The following TASOR2 variants were observed in gnomAD, a reference collection of about 807,000 sequenced individuals.
The protein encoded by TASOR2 is transcription activation suppressor family member 2.
In TASOR2, 84 loss-of-function variants were observed where a neutral mutation model predicts 199.5. That is an observed-to-expected ratio of 0.42 (90% CI 0.35 to 0.50). The LOEUF (loss-of-function observed/expected upper bound fraction) is 0.50, where lower values mean the gene tolerates loss of function less well. TASOR2 is among the 20% of genes least tolerant of loss of function. The pLI is 0.02. For synonymous variants in TASOR2, 1,103 were observed against 1,046.6 expected (o/e 1.05, Z -1.04); for missense variants, 2,796 against 2,835.9 (o/e 0.99, Z 0.32).
chr10:5,738,127 CAG>C lies in TASOR2; in HGVS notation c.1448-1489_1448-1488del, dbSNP rs1753705876. Reference sequence around the variant, plus strand: ...TAGAATCAAATGATAATTTTGAAGTCAGACAGTCCTTTTGTTAATGAAACATG... The same window carrying C: ...TAGAATCAAATGATAATTTTGAAGTCACAGTCCTTTTGTTAATGAAACATG... On this transcript the variant is annotated intron_variant, in intron 12 of 20. Coordinates refer to ENST00000328090, the Ensembl canonical transcript of TASOR2. This position sits in a 1 kb window ranked among gnomAD's most constrained non-coding sequence, Gnocchi z 4.7. Among the ~76,000 whole-genome samples the C allele has an allele frequency of 6.9e-6, 1 of 144,734 alleles. No individual in the cohort carries two copies. Among genetic ancestry groups the C allele is most frequent in the Non-Finnish European group, 1.6e-5 (1 of 63,966 alleles). 95.0% of individuals were successfully genotyped at this position (144,734 alleles called of 152,430 possible). A position where few individuals can be genotyped will look rare whatever the true frequency, so the allele number is the denominator to read the frequency against.
intron 1 of TASOR2, among the ~76,000 whole-genome samples, chr10:5,705,607 T>C (rs1471737997): frequency 6.6e-6 from 1 of 152,166 alleles, no homozygotes; most frequent in Non-Finnish European, 1.5e-5. Flanking sequence ...CTACTAGGAG[T>C]GTTCCAGAGG....
intron 1 of TASOR2, among the ~76,000 whole-genome samples, chr10:5,692,613 G>C (rs2131494936): frequency 6.6e-6 from 1 of 152,202 alleles, no homozygotes; most frequent in African/African-American, 2.4e-5. Flanking sequence ...AGCTCCGTTG[G>C]GTCTACGGAG....
exon 1 of TASOR2, chr10:5,684,946 G>GGCGGCCGCGGCGTCCCTGTCA (rs1032701230): frequency 1.5e-4 from 61 of 397,846 alleles, no homozygotes; most frequent in Middle Eastern, 1.2e-3. Context: ...ACAGAGCGCG[G>GGCGGCCGCGGCGTCCCTGTCA]GCGGCCGCGG....
rs933794592 is a variant in TASOR2 at position 5,752,602 on chromosome 10, T to A, written c.6606+2575T>A. Among the ~76,000 whole-genome samples the A allele has an allele frequency of 4.6e-5, 7 of 152,220 alleles. No homozygotes were observed. Among genetic ancestry groups the A allele is most frequent in the African/African-American group, 9.6e-5 (4 of 41,460 alleles). Reference sequence around the variant, plus strand: ...TACTGAGTAACGAGTTACTTAGTAATGAAGGACACGTGTCCCTTATTGTCA... The same window carrying A: ...TACTGAGTAACGAGTTACTTAGTAAAGAAGGACACGTGTCCCTTATTGTCA... On this transcript the variant is annotated intron_variant, in intron 15 of 20. Transcript: ENST00000328090. This position sits in a 1 kb window ranked among gnomAD's most constrained non-coding sequence, Gnocchi z 4.4.
intron 1 of TASOR2, among the ~76,000 whole-genome samples, chr10:5,697,459 G>T (rs1250154306): frequency 6.6e-6 from 1 of 152,126 alleles, no homozygotes; most frequent in East Asian, 1.9e-4. Flanking sequence ...TCGTATACCT[G>T]GCTAAGACTG....
chr10:5,711,768 G>T (rs1161161783), intron 1 of TASOR2, among the ~76,000 whole-genome samples: 1 of 152,042 alleles, frequency 6.6e-6, no homozygotes, highest in African/African-American at 2.4e-5. Flanking sequence ...TCAAAAAATT[G>T]TAAGTACAGC....
rs902012135 is a variant in TASOR2 at position 5,751,026 on chromosome 10, A to G, written c.6606+999A>G. ...GTTTGTGTTCATGTGTTGTTTCTCC[A>G]TGACTTAGGCATTTTAGATGAGAAT... On this transcript the variant is annotated intron_variant, in intron 15 of 20. Transcript: ENST00000328090. The surrounding 1 kb of genome is among the most constrained non-coding windows in gnomAD (Gnocchi z 5.3). Among the ~76,000 whole-genome samples, 1 of 152,202 alleles carries G rather than the reference A, an allele frequency of 6.6e-6. No homozygotes were observed. The highest frequency in any genetic ancestry group is 1.9e-4 in the East Asian group (1 of 5,200).
At position 5,722,104 on chromosome 10, in the gene TASOR2, G is replaced by A. The variant is rs978498604; in HGVS notation, c.146+1134G>A. Among the ~76,000 whole-genome samples the A allele has an allele frequency of 6.6e-6, 1 of 152,178 alleles. No homozygotes were observed. Among genetic ancestry groups the A allele is most frequent in the Non-Finnish European group, 1.5e-5 (1 of 68,034 alleles). On this transcript the variant is annotated intron_variant, in intron 6 of 20. Coordinates refer to ENST00000328090, the Ensembl canonical transcript of TASOR2. The surrounding 1 kb of genome is among the most constrained non-coding windows in gnomAD (Gnocchi z 4.0). The stretch of plus-strand genomic sequence containing the variant: ...TGAATAAGATGTAGGTTAAGTCATA[G>A]TATCGTTATCATTGTGAATGTGTTG...
chr10:5,714,067 A>G, intron 2 of TASOR2, 68 bp from the exon 3 acceptor site: 1 of 865,432 alleles, frequency 1.2e-6, no homozygotes, highest in Non-Finnish European at 1.5e-6. Flanking sequence ...TTAAAAAAAA[A>G]AACCTTACAG....
chr10:5,749,196 C>A lies in TASOR2; in HGVS notation c.5775C>A (p.Tyr1925Ter). The A allele has an allele frequency of 6.2e-7, 1 of 1,614,054 alleles. No homozygotes were observed. The highest frequency in any genetic ancestry group is 8.5e-7 in the Non-Finnish European group (1 of 1,180,000). The change falls in exon 15 of 21, where the codon TAC (tyrosine) becomes TAA (stop). Residue 1925 changes from tyrosine to a stop codon, truncating the protein, a stop_gained. Transcript: ENST00000328090. LOFTEE classifies it high-confidence loss of function. Reference sequence around the variant, plus strand: ...ATCTCCACGGGATCCTCAGGACTTACGCCAACTTCTCTATAACAAAAGAAC... The same window carrying A: ...ATCTCCACGGGATCCTCAGGACTTAAGCCAACTTCTCTATAACAAAAGAAC...
intron 1 of TASOR2, among the ~76,000 whole-genome samples, chr10:5,711,348 G>A (rs1831881937): frequency 6.6e-6 from 1 of 151,904 alleles, no homozygotes; most frequent in Admixed American, 6.6e-5. Flanking sequence ...TTTAATTTTT[G>A]AACTTTAATA....
chr10:5,717,337 C>T (rs1832786986), intron 2 of TASOR2, among the ~76,000 whole-genome samples: 2 of 152,130 alleles, frequency 1.3e-5, no homozygotes. Flanking sequence ...GTCTTTGTGT[C>T]TGTGACCCAG....
At chr10:5,746,138 A>G (rs754212254) in intron 14 of TASOR2, 41 bp from the exon 16 acceptor site, 1 of 1,468,622 alleles carries the variant, frequency 6.8e-7, no homozygotes. Flanking sequence ...AAAACATTTT[A>G]TATGACTGAT....
At chr10:5,723,035 G>A (rs72774075) in intron 6 of TASOR2, among the ~76,000 whole-genome samples, 20,470 of 131,748 alleles carry the variant, frequency 0.16, 2,124 homozygotes, top group Admixed American at 0.21. Context: ...AAAGTAGTCA[G>A]GAAATAACTT....
At chr10:5,731,354 C>T (rs41306401) in intron 11 of TASOR2, 151 bp downstream of exon 12, 7,106 of 683,642 alleles carry the variant, frequency 0.01, 64 homozygotes, top group Middle Eastern at 0.02. Flanking sequence ...TACGGTGACA[C>T]CCTGTCTCTA....
intron 13 of TASOR2, among the ~76,000 whole-genome samples, chr10:5,741,350 A>G (rs1264803176): frequency 6.6e-6 from 1 of 152,220 alleles, no homozygotes; most frequent in East Asian, 1.9e-4. Flanking sequence ...ATGAATTGAC[A>G]TTCAGCTCCC....
chr10:5,716,750 A>G lies in TASOR2; in HGVS notation c.-191-909A>G, dbSNP rs181524408. 5.4e-3 allele frequency among the ~76,000 whole-genome samples: 826 copies of G among 152,132 alleles called. 3 individuals are homozygous for G. Among genetic ancestry groups the G allele is most frequent in the African/African-American group, 0.019 (783 of 41,508 alleles). ...ACCAACATGGCCAAACCCCGTCTCT[A>G]CTAAAAATACAAAAATTAGCCAGGC... On this transcript the variant is annotated intron_variant, in intron 2 of 20. Transcript: ENST00000328090.
At chr10:5,728,035 C>CAACA (rs1430255135) in intron 10 of TASOR2, among the ~76,000 whole-genome samples, 22 of 151,762 alleles carry the variant, frequency 1.4e-4, no homozygotes, top group African/African-American at 2.4e-5. Context: ...CCAGCCTAGG[C>CAACA]AACATGTTGA....
At position 5,740,348 on chromosome 10, in the gene TASOR2, T is replaced by C. The variant is rs202159918; in HGVS notation, c.2178T>C (p.Arg726=). 217 of 1,614,194 alleles carry C rather than the reference T, an allele frequency of 1.3e-4. 4 individuals carry two copies. The East Asian group carries it at 4.8e-3, about 36-fold the overall frequency. Residue 726 remains arginine, a synonymous_variant, in exon 13 of 21, where the codon CGT becomes CGC. Transcript: ENST00000328090. The surrounding 1 kb of genome is among the most constrained non-coding windows in gnomAD (Gnocchi z 5.3). Reference sequence around the variant, plus strand: ...CCAAGGATCGACCACCGTCTGCCCGTGTGAAAAAATCTTCTTGCTCTCGTA... The same window carrying C: ...CCAAGGATCGACCACCGTCTGCCCGCGTGAAAAAATCTTCTTGCTCTCGTA...
Sources: allele counts gnomAD v4.1 joint callset (sites outside exome capture counted in the v4.1 genomes callset), GRCh38; gene constraint gnomAD v4.1.1; non-coding constraint Gnocchi (gnomAD v3.1); transcripts MANE v1.5; gene names NCBI Gene and HGNC (gene_info 2026-07-23, HGNC 2026-07-21).